The following ARHGAP6 variants were observed in gnomAD, a reference collection of about 807,000 sequenced individuals.
The protein encoded by ARHGAP6 is rho GTPase-activating protein 6.
ARHGAP6 carries 16 observed loss-of-function variants against 55.7 expected under a neutral mutation model. That is an observed-to-expected ratio of 0.29 (90% confidence interval 0.19 to 0.44). The LOEUF (loss-of-function observed/expected upper bound fraction) is 0.44, where lower values mean the gene tolerates loss of function less well. Ranked by LOEUF, ARHGAP6 falls within the 20% of genes least tolerant of loss-of-function variation. The probability of loss-of-function intolerance (pLI) is 1.00; values close to 1 mark genes in which losing one functional copy is unlikely to be tolerated. For missense variants in ARHGAP6, 698 were observed against 808.9 expected (o/e 0.86, Z 1.66); for synonymous variants, 382 against 360.9 (o/e 1.06, Z -0.66).
intron 1 of ARHGAP6, among the ~76,000 whole-genome samples, chrX:11,522,596 T>C (rs1165830711): frequency 2.9e-4 from 32 of 111,614 alleles, no homozygotes; most frequent in Non-Finnish European, 7.5e-5. Context: ...CATCAGAGAA[T>C]ACTATAAACA....
intron 1 of ARHGAP6, among the ~76,000 whole-genome samples, chrX:11,377,582 T>C (rs2049215917): frequency 8.9e-6 from 1 of 112,447 alleles, no homozygotes; most frequent in South Asian, 3.7e-4. Context: ...ATAATGCTAT[T>C]AAATTTTTTA....
intron 1 of ARHGAP6, among the ~76,000 whole-genome samples, chrX:11,505,375 T>C (rs1028773242): frequency 6.7e-4 from 75 of 111,170 alleles, no homozygotes; most frequent in African/African-American, 2.4e-3. Flanking sequence ...TCAGAATGGC[T>C]ACTATTAAAA....
chrX:11,299,034 C>T, intron 1 of ARHGAP6: 3 of 1,143,028 alleles, frequency 2.6e-6, no homozygotes, highest in Non-Finnish European at 3.6e-6. Flanking sequence ...GCAAAATAGG[C>T]CCCAGAGTTC....
At position 11,393,290 on chromosome X, in the gene ARHGAP6, G is replaced by A. The variant is rs969449829; in HGVS notation, c.589-138583C>T. Among the ~76,000 whole-genome samples the A allele has an allele frequency of 5.4e-5, 6 of 110,399 alleles. No individual in the cohort carries two copies. The Admixed American group carries it at 5.8e-4, about 11-fold the overall frequency. On this transcript the variant is annotated intron_variant, in intron 1 of 12. Coordinates refer to ENST00000337414, the MANE Select transcript of ARHGAP6 (RefSeq NM_013427.3). The stretch of plus-strand genomic sequence containing the variant: ...ACAAAAGCAAAAACCAAAAACAGCA[G>A]AAATATACTGTGAAAAGAAGAAATC...
intron 1 of ARHGAP6, among the ~76,000 whole-genome samples, chrX:11,369,336 G>A (rs2049118574): frequency 9.0e-6 from 1 of 111,263 alleles, no homozygotes; most frequent in African/African-American, 3.3e-5. Flanking sequence ...CTGTGAAAAT[G>A]TAGATCCTAT....
chrX:11,254,531 G>A lies in ARHGAP6; in HGVS notation c.748+17C>T. The A allele has an allele frequency of 1.7e-6, 2 of 1,204,267 alleles. No homozygotes were observed. The highest frequency in any genetic ancestry group is 1.1e-6 in the Non-Finnish European group (1 of 891,978). On this transcript the variant is annotated intron_variant, in intron 2 of 12. Coordinates refer to ENST00000337414, the MANE Select transcript of ARHGAP6 (RefSeq NM_013427.3). ...GACTTGCAGTGTTCCCCGGCAGAAA[G>A]GCAGAAGAGGCCTTACCTTTGGGAA... is the stretch of plus-strand genomic sequence containing the variant.
At chrX:11,407,963 A>T (rs897196842) in intron 1 of ARHGAP6, among the ~76,000 whole-genome samples, 1 of 111,399 alleles carries the variant, frequency 9.0e-6, no homozygotes, top group African/African-American at 3.3e-5. Context: ...TTTTAATCTT[A>T]AGCCTGGGAT....
intron 1 of ARHGAP6, among the ~76,000 whole-genome samples, chrX:11,535,477 T>G (rs574243307): frequency 1.8e-5 from 2 of 112,256 alleles, no homozygotes; most frequent in Middle Eastern, 9.3e-3. Flanking sequence ...CTTGTTTTAC[T>G]TATCCTCAAA....
intron 12 of ARHGAP6, among the ~76,000 whole-genome samples, chrX:11,140,627 T>G (rs757862424): frequency 9.2e-6 from 1 of 108,703 alleles, no homozygotes; most frequent in African/African-American, 3.4e-5. Flanking sequence ...AAGACAGCAT[T>G]CCCTCCCCTC....
At chrX:11,263,257 C>T in intron 1 of ARHGAP6, among the ~76,000 whole-genome samples, 1 of 110,879 alleles carries the variant, frequency 9.0e-6, no homozygotes, top group Non-Finnish European at 1.9e-5. Flanking sequence ...TCTGCTCTTA[C>T]CATGTGACAG....
At chrX:11,225,111 G>A (rs779529345) in intron 2 of ARHGAP6, among the ~76,000 whole-genome samples, 1 of 110,876 alleles carries the variant, frequency 9.0e-6, no homozygotes, top group South Asian at 3.9e-4. Flanking sequence ...GCTCTTTATC[G>A]TTGCTATCAT....
rs962315696 is a variant in ARHGAP6, at chrX:11,665,256, C to T, written c.-428G>A. 8.3e-6 allele frequency: 1 copy of T among 120,098 alleles called. No homozygotes were observed. The highest frequency in any genetic ancestry group is 3.2e-5 in the African/African-American group (1 of 31,365). The allele number at this position is 120,098 out of a possible 1,213,427, so 9.9% of individuals were successfully genotyped here. On this transcript the variant is annotated 5_prime_UTR_variant, in exon 1 of 13. Coordinates refer to ENST00000337414, the MANE Select transcript of ARHGAP6 (RefSeq NM_013427.3). ...TGGCCTCTAAGACTCCAGCAAGCTCCTCCTTGCGGCCCGAGGACAGTCCCG... is the reference window on the plus strand; with the variant it reads ...TGGCCTCTAAGACTCCAGCAAGCTCTTCCTTGCGGCCCGAGGACAGTCCCG...
Position 11,138,837 on chromosome X carries a change from C to G in ARHGAP6, c.*26G>C, listed in dbSNP as rs942814927. 4.3e-6 allele frequency: 5 copies of G among 1,162,714 alleles called. No homozygotes were observed. The highest frequency in any genetic ancestry group is 3.4e-6 in the Non-Finnish European group (3 of 876,536). On this transcript the variant is annotated 3_prime_UTR_variant, in exon 13 of 13. Coordinates refer to ENST00000337414, the MANE Select transcript of ARHGAP6 (RefSeq NM_013427.3). ...GGGCTGGAGGGCGGGGGGCTCGGGG[C>G]AGGGGGGGCTCGGCTGGGTGCGGGC...
intron 1 of ARHGAP6, among the ~76,000 whole-genome samples, chrX:11,576,232 T>C (rs2051596555): frequency 1.8e-5 from 2 of 112,157 alleles, no homozygotes; most frequent in Non-Finnish European, 3.8e-5. Context: ...TTTAGGGTGA[T>C]ACTGTCACTT....
chrX:11,202,831 AACTG>A (rs1389933199), intron 2 of ARHGAP6, among the ~76,000 whole-genome samples: 3 of 98,532 alleles, frequency 3.0e-5, no homozygotes, highest in Non-Finnish European at 6.2e-5. Context: ...AAAAAAAAAG[AACTG>A]ACTGAGTAAA....
At chrX:11,429,056 C>T (rs771363107) in intron 1 of ARHGAP6, among the ~76,000 whole-genome samples, 1 of 111,840 alleles carries the variant, frequency 8.9e-6, no homozygotes, top group Non-Finnish European at 1.9e-5. Flanking sequence ...CAAATAAAAG[C>T]GATCCAAATG....
chrX:11,266,085 G>A, intron 1 of ARHGAP6: 1 of 362,205 alleles, frequency 2.8e-6, no homozygotes, highest in Non-Finnish European at 3.6e-6. Flanking sequence ...GAGAGAGAGA[G>A]AGAGAGAGAG....
At chrX:11,559,774 A>G (rs1359942783) in intron 1 of ARHGAP6, among the ~76,000 whole-genome samples, 5 of 108,693 alleles carry the variant, frequency 4.6e-5, no homozygotes, top group Non-Finnish European at 9.6e-5. Flanking sequence ...AAAAATACAA[A>G]AAAAGTAGCC....
chrX:11,156,730 G>T (rs2045869282), intron 9 of ARHGAP6, 104 bp from the exon 10 acceptor site: 2 of 589,095 alleles, frequency 3.4e-6, no homozygotes, highest in Non-Finnish European at 5.4e-6. Context: ...CCTAAAAGCT[G>T]CAAGACAGCA....
Sources: gnomAD v4.1 joint callset for allele counts (sites outside exome capture counted in the v4.1 genomes callset) on GRCh38, gnomAD v4.1.1 for gene constraint, MANE v1.5 for transcripts, NCBI Gene and HGNC (gene_info 2026-07-23, HGNC 2026-07-21) for gene names.